Variants in ZDHHC23 observed in about 807,000 individuals in gnomAD.
The protein encoded by ZDHHC23 is zDHHC palmitoyltransferase 23.
Under a neutral mutation model 40.2 loss-of-function variants are expected in ZDHHC23, and 41 were observed. The observed-to-expected ratio is 1.02, with a 90% CI of 0.79 to 1.32. The LOEUF is 1.32. ZDHHC23 is among the 40% of genes most tolerant of loss of function. The pLI, the probability that ZDHHC23 is intolerant of heterozygous loss-of-function variation, is 0.00. For missense variants in ZDHHC23, 471 were observed against 541.5 expected (o/e 0.87, Z 1.29); for synonymous variants, 204 against 210.2 (o/e 0.97, Z 0.26).
At chr3:113,967,602 C>A (rs1940341009), downstream of ZDHHC23, among the ~76,000 whole-genome samples, 1 of 152,008 alleles carries the variant, frequency 6.6e-6, no homozygotes, top group Non-Finnish European at 1.5e-5. Flanking sequence ...TTTGGGATAT[C>A]CATCACCTTA....
At chr3:113,972,615 T>C in the ZDHHC23 span, among the ~76,000 whole-genome samples, 1 of 152,172 alleles carries the variant, frequency 6.6e-6, no homozygotes, top group African/African-American at 2.4e-5. Flanking sequence ...TTAAGTTTGA[T>C]GTTTCCTTGC....
Position 113,958,448 on chromosome 3 carries a change from A to C in ZDHHC23, c.1126A>C (p.Ile376Leu). 1 of 1,614,130 alleles carries C rather than the reference A, an allele frequency of 6.2e-7. No homozygotes were observed. The highest frequency in any genetic ancestry group is 1.1e-5 in the South Asian group (1 of 91,074). ...AYIFLIQLIN[I>L]SYNVTEREVQ... ...CATCTTCCTGATCCAGCTGATCAAC[A>C]TCAGCTACAATGTGACTGAGCGGGA... The change falls in exon 5 of 5, where the codon ATC (isoleucine) becomes CTC (leucine). Residue 376 changes from isoleucine to leucine, a missense_variant. Transcript: ENST00000638807.
At chr3:113,952,649 T>C (rs1049503909) in intron 2 of ZDHHC23, among the ~76,000 whole-genome samples, 1 of 152,222 alleles carries the variant, frequency 6.6e-6, no homozygotes, top group African/African-American at 2.4e-5. Flanking sequence ...TCCTAGTCTG[T>C]TCAGGCTGCT....
At chr3:113,965,321 A>T, downstream of ZDHHC23, 1 of 1,609,456 alleles carries the variant, frequency 6.2e-7, no homozygotes, top group Non-Finnish European at 8.5e-7. Flanking sequence ...AAATTTTACA[A>T]ACTTCTTCCA....
At position 113,963,114 on chromosome 3, in the gene ZDHHC23, T is replaced by C. The variant is rs1939809027; in HGVS notation, c.*4484T>C. The C allele has an allele frequency of 6.6e-6, 1 of 152,142 alleles. No homozygotes were observed. The highest frequency in any genetic ancestry group is 1.5e-5 in the Non-Finnish European group (1 of 68,026). 9.4% of individuals were successfully genotyped at this position (152,142 alleles called of 1,614,324 possible). A position where few individuals can be genotyped will look rare whatever the true frequency, so the allele number is the denominator to read the frequency against. ...CTGTCCCTAGCCCTAAACTGTTATGTTCCCGGTGGCAATTTCTCCAGTTTT... is the reference window on the plus strand; with the variant it reads ...CTGTCCCTAGCCCTAAACTGTTATGCTCCCGGTGGCAATTTCTCCAGTTTT... On this transcript the variant is annotated 3_prime_UTR_variant, in exon 5 of 5. Transcript: ENST00000638807.
rs902019548 is a variant in ZDHHC23 at position 113,958,756 on chromosome 3, G to A, written c.*126G>A. On this transcript the variant is annotated 3_prime_UTR_variant, in exon 5 of 5. Coordinates refer to ENST00000638807, the MANE Select transcript of ZDHHC23 (RefSeq NM_001320466.2). The stretch of plus-strand genomic sequence containing the variant: ...CATTATAGGGCCATGCTCAGGTTTA[G>A]AGACTGGAGTGGGAAGAAGTTAATT... 5 of 1,572,394 alleles carry A rather than the reference G, an allele frequency of 3.2e-6. No individual in the cohort carries two copies. In the African/African-American group the frequency reaches 6.7e-5, roughly 21 times the overall value.
At chr3:113,957,576 C>T in intron 4 of ZDHHC23, 1 of 415,510 alleles carries the variant, frequency 2.4e-6, no homozygotes, top group East Asian at 7.0e-5. Flanking sequence ...TGCTTCTCAC[C>T]CTGCTCTGTG....
At chr3:113,965,993 C>A (rs1327159476), downstream of ZDHHC23, among the ~76,000 whole-genome samples, 3 of 152,220 alleles carry the variant, frequency 2.0e-5, no homozygotes, top group Middle Eastern at 6.8e-3. Context: ...ACGAGGCACA[C>A]TCCTGAGTTG....
At chr3:113,979,004 C>T in the ZDHHC23 span, 1 of 1,613,226 alleles carries the variant, frequency 6.2e-7, no homozygotes, top group East Asian at 2.2e-5. Flanking sequence ...TAATGTTCTT[C>T]TGCCACCTGG....
intron 4 of ZDHHC23, 33 bp from the exon 5 acceptor site, chr3:113,958,330 C>T (rs1299429814): frequency 9.0e-6 from 14 of 1,563,228 alleles, no homozygotes; most frequent in East Asian, 4.5e-5. Flanking sequence ...TTGACAAAAA[C>T]GGCAGCCCTG....
At position 113,962,594 on chromosome 3, in the gene ZDHHC23, G is replaced by C. The variant is rs953640870; in HGVS notation, c.*3964G>C. Reference sequence around the variant, plus strand: ...GCCACTGACGAGATGTCACAGTATAGAGCCTGCAGTCTCAACTCATTGTGA... The same window carrying C: ...GCCACTGACGAGATGTCACAGTATACAGCCTGCAGTCTCAACTCATTGTGA... On this transcript the variant is annotated 3_prime_UTR_variant, in exon 5 of 5. Transcript: ENST00000638807. The C allele has an allele frequency of 6.6e-6, 1 of 152,214 alleles. No homozygotes were observed. The highest frequency in any genetic ancestry group is 1.5e-5 in the Non-Finnish European group (1 of 68,042). The allele number at this position is 152,214 out of a possible 1,614,324, so 9.4% of individuals were successfully genotyped here. A position where few individuals can be genotyped will look rare whatever the true frequency, so the allele number is the denominator to read the frequency against.
chr3:113,977,930 T>G, the ZDHHC23 span, among the ~76,000 whole-genome samples: 2 of 152,206 alleles, frequency 1.3e-5, no homozygotes, highest in Non-Finnish European at 2.9e-5. Flanking sequence ...GGTCACATCA[T>G]TTTATTCTCT....
chr3:113,979,424 T>G, the ZDHHC23 span, among the ~76,000 whole-genome samples: 1 of 152,228 alleles, frequency 6.6e-6, no homozygotes, highest in African/African-American at 2.4e-5. Context: ...GCCAATACTT[T>G]CAATTAGTGT....
downstream of ZDHHC23, among the ~76,000 whole-genome samples, chr3:113,966,012 A>G (rs1266818672): frequency 2.0e-5 from 3 of 152,292 alleles, no homozygotes; most frequent in East Asian, 5.8e-4. Flanking sequence ...TGATCTGATT[A>G]TAGCATACAT....
the ZDHHC23 span, among the ~76,000 whole-genome samples, chr3:113,974,432 G>T: frequency 6.6e-6 from 1 of 151,694 alleles, no homozygotes; most frequent in Non-Finnish European, 1.5e-5. Context: ...CCATTCTCCT[G>T]CCTCAGGCTT....
chr3:113,977,073 G>T, the ZDHHC23 span, among the ~76,000 whole-genome samples: 1 of 152,110 alleles, frequency 6.6e-6, no homozygotes, highest in South Asian at 2.1e-4. Context: ...AAACACCCAT[G>T]CACAAACATG....
At position 113,959,980 on chromosome 3, in the gene ZDHHC23, T is replaced by G. The variant is rs1577275662; in HGVS notation, c.*1350T>G. On this transcript the variant is annotated 3_prime_UTR_variant, in exon 5 of 5. Transcript: ENST00000638807. The stretch of plus-strand genomic sequence containing the variant: ...ACTATAGAATTAAGATGAGGGAATT[T>G]CAGATGAGGAAAATACCCTTTTGAA... 1 of 991,314 alleles carries G rather than the reference T, an allele frequency of 1.0e-6. No homozygotes were observed. Among genetic ancestry groups the G allele is most frequent in the African/African-American group, 1.7e-5 (1 of 57,490 alleles). 61.4% of individuals were successfully genotyped at this position (991,314 alleles called of 1,614,324 possible). A position where few individuals can be genotyped will look rare whatever the true frequency, so the allele number is the denominator to read the frequency against.
At position 113,948,855 on chromosome 3, in the gene ZDHHC23, C is replaced by G. The variant is rs766615495; in HGVS notation, c.53C>G (p.Pro18Arg). Residue 18 changes from proline (P) to arginine (R), a missense_variant, in exon 2 of 5, where the codon CCT becomes CGT. Transcript: ENST00000638807. ...KPVKKKKTEE[P>R]ELEPLCCCEY... Reference sequence around the variant, plus strand: ...GTGAAGAAAAAGAAAACCGAAGAACCTGAATTGGAGCCCCTGTGCTGCTGC... The same window carrying G: ...GTGAAGAAAAAGAAAACCGAAGAACGTGAATTGGAGCCCCTGTGCTGCTGC... 11 of 1,613,996 alleles carry G rather than the reference C, an allele frequency of 6.8e-6. No homozygotes were observed. The Admixed American group carries it at 1.2e-4, about 17-fold the overall frequency.
rs1290405853 is a variant in ZDHHC23, at chr3:113,960,060, T to C, written c.*1430T>C. On this transcript the variant is annotated 3_prime_UTR_variant, in exon 5 of 5. Transcript: ENST00000638807. ...AATCCCAAAGATAATTCATGACTCC[T>C]TAAATTTGCCTTGGCTTATAGCTTA... The C allele has an allele frequency of 1.0e-6, 1 of 989,196 alleles. No individual in the cohort carries two copies. Among genetic ancestry groups the C allele is most frequent in the Non-Finnish European group, 1.2e-6 (1 of 832,092 alleles). The allele number at this position is 989,196 out of a possible 1,614,324, so 61.3% of individuals were successfully genotyped here.
Sources: gnomAD v4.1 joint callset for allele counts (sites outside exome capture counted in the v4.1 genomes callset) on GRCh38, gnomAD v4.1.1 for gene constraint, MANE v1.5 for transcripts, NCBI Gene and HGNC (gene_info 2026-07-23, HGNC 2026-07-21) for gene names.